The following LRP1B variants were observed in gnomAD, a reference collection of about 807,000 sequenced individuals.
The protein encoded by LRP1B is low-density lipoprotein receptor-related protein 1B.
A neutral mutation model predicts 556.6 loss-of-function variants in LRP1B; 217 were observed. That is an observed-to-expected ratio of 0.39 (90% CI 0.35 to 0.44). The LOEUF (loss-of-function observed/expected upper bound fraction) is 0.44. Ranked by LOEUF, LRP1B falls within the 20% of genes least tolerant of loss-of-function variation. The pLI, the probability that LRP1B is intolerant of heterozygous loss-of-function variation, is 1.00. For missense variants in LRP1B, 5,053 were observed against 5,620.8 expected, an observed-to-expected ratio of 0.90 and a Z score of 3.23; for synonymous variants, 2,047 against 1,865.8, an observed-to-expected ratio of 1.10 and a Z score of -2.50.
intron 3 of LRP1B, among the ~76,000 whole-genome samples, chr2:141,356,813 T>C (rs1401149911): frequency 1.3e-5 from 2 of 152,118 alleles, no homozygotes; most frequent in East Asian, 1.9e-4. Flanking sequence ...CAGTGTCAGA[T>C]ACTTGTGATT....
intron 37 of LRP1B, among the ~76,000 whole-genome samples, chr2:140,710,430 C>G (rs866900828): frequency 1.3e-5 from 2 of 151,836 alleles, no homozygotes; most frequent in Non-Finnish European, 2.9e-5. Flanking sequence ...AAATAAATAA[C>G]TGTAAAGGAT....
intron 2 of LRP1B, among the ~76,000 whole-genome samples, chr2:141,591,349 G>T (rs1553539613): frequency 0.4 from 47,835 of 120,654 alleles, 8,241 homozygotes; most frequent in Admixed American, 0.45. Flanking sequence ...GTTTTTTTTT[G>T]TTGTTGTTTG....
intron 1 of LRP1B, among the ~76,000 whole-genome samples, chr2:141,917,661 G>A (rs1275622537): frequency 1.3e-5 from 2 of 152,124 alleles, no homozygotes; most frequent in Non-Finnish European, 2.9e-5. Context: ...GATCCAATTC[G>A]TTGGATGTTA....
chr2:142,013,709 ATAT>A (rs1336159098), intron 1 of LRP1B, among the ~76,000 whole-genome samples: 4 of 152,118 alleles, frequency 2.6e-5, no homozygotes, highest in African/African-American at 9.7e-5. Context: ...TCATGTAAAT[ATAT>A]TATTGTACTA....
intron 43 of LRP1B, among the ~76,000 whole-genome samples, chr2:140,556,721 A>C (rs1183471673): frequency 1.4e-5 from 2 of 140,226 alleles, no homozygotes; most frequent in Non-Finnish European, 3.1e-5. Context: ...ATTGCCAACC[A>C]AAACAAACAA....
At position 142,117,795 on chromosome 2, in the gene LRP1B, A is replaced by G. The variant is rs77303519; in HGVS notation, c.82+12853T>C. On this transcript the variant is annotated intron_variant, in intron 1 of 90. Coordinates refer to ENST00000389484, the MANE Select transcript of LRP1B (RefSeq NM_018557.3). ...CAAGGCCAGAGTCTGCTCAAGTTGAATATCAGCTGCCCTTTTGGACAGTGT... is the reference window on the plus strand; with the variant it reads ...CAAGGCCAGAGTCTGCTCAAGTTGAGTATCAGCTGCCCTTTTGGACAGTGT... Among the ~76,000 whole-genome samples the G allele has an allele frequency of 5.9e-5, 9 of 152,272 alleles. No homozygotes were observed. The East Asian group carries it at 7.7e-4, about 13-fold the overall frequency.
rs1419947453 is a variant in LRP1B, at chr2:140,850,320, T to G, written c.4721A>C (p.Lys1574Thr). The G allele has an allele frequency of 1.9e-6, 3 of 1,585,508 alleles. No homozygotes were observed. Among genetic ancestry groups the G allele is most frequent in the Non-Finnish European group, 2.6e-6 (3 of 1,162,928 alleles). Reference protein sequence around the residue: ...SDKKTCYEMKKFLLYARRSEI... With the variant: ...SDKKTCYEMKTFLLYARRSEI... ...AGAACGTCTTGCATAAAGAAGAAAT[T>G]TTTTCATTTCTAAAAAAGAAATAGA... Residue 1574 changes from lysine (K) to threonine (T), a missense_variant, in exon 29 of 91, where the codon AAA (lysine) becomes ACA (threonine). Around this residue, in one of 5 missense-constraint regions of LRP1B, gnomAD observed 3,619 missense variants for 3,931.9 expected, o/e 0.92. Transcript: ENST00000389484.
chr2:140,254,557 G>T (rs893184899), intron 86 of LRP1B, among the ~76,000 whole-genome samples: 1 of 151,894 alleles, frequency 6.6e-6, no homozygotes, highest in Non-Finnish European at 1.5e-5. Flanking sequence ...TTGTTTGTTT[G>T]TTTTGTTTTG....
At chr2:141,340,754 C>G (rs1160541541) in intron 3 of LRP1B, among the ~76,000 whole-genome samples, 1 of 152,126 alleles carries the variant, frequency 6.6e-6, no homozygotes, top group Non-Finnish European at 1.5e-5. Flanking sequence ...GTCAATACCC[C>G]TTGAAAAGTA....
At chr2:140,843,172 G>A (rs1280074577) in intron 29 of LRP1B, among the ~76,000 whole-genome samples, 2 of 136,002 alleles carry the variant, frequency 1.5e-5, no homozygotes, top group East Asian at 4.5e-4. Flanking sequence ...ATTCATTTCT[G>A]ATAGACTCTT....
At chr2:141,830,901 A>C (rs1368431618) in intron 1 of LRP1B, among the ~76,000 whole-genome samples, 1 of 151,806 alleles carries the variant, frequency 6.6e-6, no homozygotes, top group Non-Finnish European at 1.5e-5. Flanking sequence ...TAGAAAACTA[A>C]GCATAGCTAA....
intron 77 of LRP1B, among the ~76,000 whole-genome samples, chr2:140,337,454 A>C (rs1165842727): frequency 6.6e-6 from 1 of 151,952 alleles, no homozygotes; most frequent in South Asian, 2.1e-4. Context: ...CCAAAAAATC[A>C]TTTTCAAATG....
chr2:140,873,420 T>C (rs983165502), intron 25 of LRP1B, among the ~76,000 whole-genome samples: 1 of 152,122 alleles, frequency 6.6e-6, no homozygotes, highest in African/African-American at 2.4e-5. Context: ...GAAGGGAATG[T>C]AATTGTCTTT....
chr2:142,102,987 A>C (rs1371831636), intron 1 of LRP1B, among the ~76,000 whole-genome samples: 1 of 151,858 alleles, frequency 6.6e-6, no homozygotes, highest in Non-Finnish European at 1.5e-5. Context: ...TTTCTTTCTT[A>C]ATCATGAAGA....
intron 2 of LRP1B, among the ~76,000 whole-genome samples, chr2:141,654,254 G>A (rs1422058545): frequency 1.3e-5 from 2 of 152,162 alleles, no homozygotes; most frequent in East Asian, 1.9e-4. Context: ...TTATGTATTT[G>A]TATTGCAATA....
intron 66 of LRP1B, among the ~76,000 whole-genome samples, chr2:140,391,540 G>A (rs1434639345): frequency 6.6e-6 from 1 of 152,054 alleles, no homozygotes; most frequent in Admixed American, 6.6e-5. Context: ...AAATTACCTT[G>A]CTATTAGAAT....
chr2:141,505,933 T>G (rs1011763090), intron 2 of LRP1B, among the ~76,000 whole-genome samples: 2 of 152,066 alleles, frequency 1.3e-5, no homozygotes. Flanking sequence ...CACCAACCAC[T>G]GTCATTAGTT....
intron 7 of LRP1B, among the ~76,000 whole-genome samples, chr2:141,114,470 G>C (rs1226806223): frequency 6.6e-6 from 1 of 152,108 alleles, no homozygotes; most frequent in African/African-American, 2.4e-5. Context: ...GTGTGAAGAC[G>C]ATCTTCCCCT....
At chr2:141,328,109 C>A (rs945947676) in intron 3 of LRP1B, among the ~76,000 whole-genome samples, 1 of 152,114 alleles carries the variant, frequency 6.6e-6, no homozygotes, top group Non-Finnish European at 1.5e-5. Flanking sequence ...ATATACATGC[C>A]TCTATATACT....
Sources: allele counts gnomAD v4.1 joint callset (sites outside exome capture counted in the v4.1 genomes callset), GRCh38; gene constraint gnomAD v4.1.1; regional missense constraint gnomAD v4.1.1; transcripts MANE v1.5; gene names NCBI Gene and HGNC (gene_info 2026-07-23, HGNC 2026-07-21).